Variants in RASGRF2 observed in about 807,000 individuals in gnomAD.
RASGRF2 encodes the protein Ras protein specific guanine nucleotide releasing factor 2, also known as ras-specific guanine nucleotide-releasing factor 2.
In RASGRF2, 76 loss-of-function variants were observed where a neutral mutation model predicts 151.0. That is an observed-to-expected ratio of 0.50 (90% CI 0.42 to 0.61). The LOEUF (loss-of-function observed/expected upper bound fraction) is 0.61, where lower values mean the gene tolerates loss of function less well. RASGRF2 is among the 20% of genes least tolerant of loss of function. The pLI is 0.00. For synonymous variants in RASGRF2, 504 were observed against 566.5 expected (o/e 0.89, Z 1.57); for missense variants, 1,148 against 1,564.6 (o/e 0.73, Z 4.49).
chr5:81,079,868 TTGA>T (rs1333343146), intron 5 of RASGRF2, among the ~76,000 whole-genome samples: 1 of 152,214 alleles, frequency 6.6e-6, no homozygotes, highest in Non-Finnish European at 1.5e-5. Flanking sequence ...CACTTAAAAA[TTGA>T]TGAAGAAGGT....
chr5:80,980,697 C>T (rs528194891), intron 1 of RASGRF2, among the ~76,000 whole-genome samples: 1 of 152,282 alleles, frequency 6.6e-6, no homozygotes, highest in African/African-American at 2.4e-5. Context: ...TCTTAGTCCC[C>T]TCTCCCTTAC....
At chr5:81,062,599 TA>T (rs1171320266) in intron 2 of RASGRF2, among the ~76,000 whole-genome samples, 1 of 152,228 alleles carries the variant, frequency 6.6e-6, no homozygotes, top group African/African-American at 2.4e-5. Context: ...TTCTGAAAAT[TA>T]AAAACCAACA....
chr5:81,049,161 TAAAAAA>T (rs3991140), intron 2 of RASGRF2, among the ~76,000 whole-genome samples: 214 of 116,836 alleles, frequency 1.8e-3, no homozygotes, highest in African/African-American at 6.6e-3. Context: ...GCAAGTTCCC[TAAAAAA>T]AAAAAAAAAA....
At chr5:81,005,136 T>G (rs1749222657) in intron 1 of RASGRF2, among the ~76,000 whole-genome samples, 1 of 152,190 alleles carries the variant, frequency 6.6e-6, no homozygotes, top group Admixed American at 6.5e-5. Context: ...TTGTGTCTGG[T>G]TTCATTTAAC....
In RASGRF2 at chr5:81,228,492, G is replaced by C. The variant is rs1756046502; in HGVS notation, c.*2722G>C. The C allele has an allele frequency of 6.6e-6, 1 of 152,228 alleles. No homozygotes were observed. The highest frequency in any genetic ancestry group is 2.1e-4 in the South Asian group (1 of 4,828). The allele number at this position is 152,228 out of a possible 1,614,324, so 9.4% of individuals were successfully genotyped here. A position where few individuals can be genotyped will look rare whatever the true frequency, so the allele number is the denominator to read the frequency against. Reference sequence around the variant, plus strand: ...AAAGCATGCATTCCCAGCTGCATCTGCCTCTAGTCCATTATGGAGACCCAT... The same window carrying C: ...AAAGCATGCATTCCCAGCTGCATCTCCCTCTAGTCCATTATGGAGACCCAT... On this transcript the variant is annotated 3_prime_UTR_variant, in exon 27 of 27. Coordinates refer to ENST00000265080, the MANE Select transcript of RASGRF2 (RefSeq NM_006909.3).
chr5:81,216,144 C>G (rs1240334906), intron 24 of RASGRF2, among the ~76,000 whole-genome samples, 189 bp downstream of exon 24: 1 of 152,044 alleles, frequency 6.6e-6, no homozygotes, highest in African/African-American at 2.4e-5. Context: ...CAGTAATTGT[C>G]TTATGGATAT....
chr5:81,002,285 A>G (rs1044343548), intron 1 of RASGRF2, among the ~76,000 whole-genome samples: 1 of 152,164 alleles, frequency 6.6e-6, no homozygotes, highest in African/African-American at 2.4e-5. Context: ...CCAATTATTT[A>G]GTTGCATTTT....
rs151335598 is a variant in RASGRF2 at position 81,037,540 on chromosome 5, G to C, written c.289-5337G>C. On this transcript the variant is annotated intron_variant, in intron 1 of 26. Transcript: ENST00000265080. ...TGATGTCCCTTTGTGTGGATCTTTA[G>C]TTATTTGTTTTAAATTTATTGCACA... Among the ~76,000 whole-genome samples, 189 of 151,704 alleles carry C rather than the reference G, an allele frequency of 1.2e-3. 1 individual carries two copies. The highest frequency in any genetic ancestry group is 4.2e-3 in the African/African-American group (175 of 41,362).
intron 1 of RASGRF2, among the ~76,000 whole-genome samples, chr5:81,007,556 T>A (rs1749312322): frequency 6.6e-6 from 1 of 152,040 alleles, no homozygotes; most frequent in African/African-American, 2.4e-5. Flanking sequence ...ATGGTGAGGG[T>A]TAGTTGGCCA....
At chr5:81,078,340 C>T (rs1751994978) in intron 5 of RASGRF2, among the ~76,000 whole-genome samples, 1 of 152,118 alleles carries the variant, frequency 6.6e-6, no homozygotes, top group Non-Finnish European at 1.5e-5. Context: ...AGAAGTTATT[C>T]CTTCTATCTA....
intron 1 of RASGRF2, among the ~76,000 whole-genome samples, chr5:80,964,994 C>T (rs1027670574): frequency 2.0e-5 from 3 of 152,074 alleles, no homozygotes; most frequent in African/African-American, 7.2e-5. Context: ...ATGTTCTCTT[C>T]AGCCTGATTT....
intron 15 of RASGRF2, among the ~76,000 whole-genome samples, chr5:81,122,408 A>G (rs1172138317): frequency 6.6e-6 from 1 of 152,208 alleles, no homozygotes; most frequent in Non-Finnish European, 1.5e-5. Flanking sequence ...TGCATCTTGC[A>G]TCGTTGCCAG....
At chr5:81,097,228 T>G (rs770764571) in intron 12 of RASGRF2, among the ~76,000 whole-genome samples, 2 of 152,208 alleles carry the variant, frequency 1.3e-5, no homozygotes, top group African/African-American at 2.4e-5. Context: ...CCCAAAGTGC[T>G]GGGATTACAC....
intron 1 of RASGRF2, among the ~76,000 whole-genome samples, chr5:81,003,830 T>C (rs1421846207): frequency 3.3e-5 from 5 of 152,260 alleles, no homozygotes; most frequent in African/African-American, 1.2e-4. Context: ...GTCTGCTTTT[T>C]CTGCATTTTA....
chr5:81,073,936 C>A (rs547046327), intron 5 of RASGRF2, among the ~76,000 whole-genome samples: 3 of 152,274 alleles, frequency 2.0e-5, no homozygotes, highest in Admixed American at 2.0e-4. Context: ...ATTTTTACAT[C>A]TTTACTTGAA....
At chr5:81,199,567 C>T (rs534910505) in intron 18 of RASGRF2, among the ~76,000 whole-genome samples, 1 of 152,214 alleles carries the variant, frequency 6.6e-6, no homozygotes, top group East Asian at 1.9e-4. Context: ...ATGATCCTTG[C>T]CTGAATCAGT....
chr5:81,080,531 C>T (rs1340600745), intron 6 of RASGRF2, 65 bp from the exon 7 acceptor site: 27 of 1,481,076 alleles, frequency 1.8e-5, no homozygotes, highest in Non-Finnish European at 2.3e-5. Context: ...CTTTGCCATT[C>T]CTGCCCAGTG....
chr5:81,131,671 C>T (rs1753623115), intron 17 of RASGRF2, among the ~76,000 whole-genome samples: 1 of 149,950 alleles, frequency 6.7e-6, no homozygotes. Context: ...TCTTTTTCTT[C>T]CTTTAAAAGA....
chr5:81,132,432 T>A (rs1034421249), intron 17 of RASGRF2, among the ~76,000 whole-genome samples: 2 of 152,152 alleles, frequency 1.3e-5, no homozygotes, highest in African/African-American at 4.8e-5. Context: ...TCTGGGGAGG[T>A]GATACCAGTC....
Sources: gnomAD v4.1 joint callset for allele counts (sites outside exome capture counted in the v4.1 genomes callset) on GRCh38, gnomAD v4.1.1 for gene constraint, MANE v1.5 for transcripts, NCBI Gene and HGNC (gene_info 2026-07-23, HGNC 2026-07-21) for gene names.